CRYBG1: variants seen among roughly 807,000 people sequenced by gnomAD.
The protein encoded by CRYBG1 is beta/gamma crystallin domain-containing protein 1.
In CRYBG1, 139 loss-of-function variants were observed where a neutral mutation model predicts 189.2. That is an observed-to-expected ratio of 0.73 (90% CI 0.64 to 0.85). The LOEUF (loss-of-function observed/expected upper bound fraction) is 0.85, where lower values mean the gene tolerates loss of function less well. Ranked by LOEUF, CRYBG1 falls within the 40% of genes least tolerant of loss-of-function variation. The probability of loss-of-function intolerance (pLI) is 0.00; values close to 1 mark genes in which losing one functional copy is unlikely to be tolerated. For missense variants in CRYBG1, 2,611 were observed against 2,675.8 expected (o/e 0.98, Z 0.53); for synonymous variants, 1,023 against 1,017.1 (o/e 1.01, Z -0.11).
At chr6:106,473,250 C>T (rs1411723363) in intron 2 of CRYBG1, among the ~76,000 whole-genome samples, 1 of 152,250 alleles carries the variant, frequency 6.6e-6, no homozygotes, top group Non-Finnish European at 1.5e-5. Context: ...CACCCCACTC[C>T]ACTTGACTTT....
chr6:106,466,144 G>A (rs1479231596), intron 2 of CRYBG1, among the ~76,000 whole-genome samples: 1 of 152,140 alleles, frequency 6.6e-6, no homozygotes, highest in Non-Finnish European at 1.5e-5. Context: ...TTTAAAAAAG[G>A]ATATTTGAAA....
chr6:106,513,160 A>T (rs1773339693), intron 3 of CRYBG1, 121 bp downstream of exon 3: 4 of 1,242,760 alleles, frequency 3.2e-6, no homozygotes, highest in Non-Finnish European at 2.2e-6. Context: ...TTTCCCCTCC[A>T]TGCTGAACTT....
chr6:106,515,476 T>C (rs1390135474), intron 3 of CRYBG1, among the ~76,000 whole-genome samples: 2 of 152,222 alleles, frequency 1.3e-5, no homozygotes, highest in Non-Finnish European at 2.9e-5. Flanking sequence ...TCATAAGATA[T>C]ACTTCGATGT....
chr6:106,551,181 A>G (rs774587348), intron 13 of CRYBG1, among the ~76,000 whole-genome samples: 1 of 150,894 alleles, frequency 6.6e-6, no homozygotes, highest in Non-Finnish European at 1.5e-5. Context: ...TTTCTTCTTT[A>G]TGTCCATGCA....
chr6:106,490,538 G>A (rs1772697119), intron 2 of CRYBG1, among the ~76,000 whole-genome samples: 1 of 152,182 alleles, frequency 6.6e-6, no homozygotes, highest in South Asian at 2.1e-4. Flanking sequence ...TTATCCACAT[G>A]TACATCATCT....
At chr6:106,416,093 T>C (rs950031870) in intron 1 of CRYBG1, among the ~76,000 whole-genome samples, 1 of 152,180 alleles carries the variant, frequency 6.6e-6, no homozygotes, top group Non-Finnish European at 1.5e-5. Context: ...TTCCCTCTGC[T>C]GCCCCCTTTC....
intron 8 of CRYBG1, 113 bp from the exon 9 acceptor site, chr6:106,539,290 A>G: frequency 1.6e-6 from 2 of 1,253,702 alleles, no homozygotes; most frequent in African/African-American, 1.5e-5. Flanking sequence ...TTCATTATGT[A>G]GGTCCGTATC....
At chr6:106,376,203 G>A (rs908998035) in intron 1 of CRYBG1, among the ~76,000 whole-genome samples, 1 of 152,086 alleles carries the variant, frequency 6.6e-6, no homozygotes, top group Non-Finnish European at 1.5e-5. Context: ...ATTATAGAGG[G>A]AGTAATTTAG....
chr6:106,365,310 A>C (rs892091372), intron 1 of CRYBG1, among the ~76,000 whole-genome samples: 3 of 152,004 alleles, frequency 2.0e-5, no homozygotes, highest in African/African-American at 7.2e-5. Flanking sequence ...GCCTGTAATC[A>C]TAGCTACTTG....
intron 1 of CRYBG1, among the ~76,000 whole-genome samples, chr6:106,430,372 GA>G (rs1464165535): frequency 6.6e-6 from 1 of 152,108 alleles, no homozygotes; most frequent in African/African-American, 2.4e-5. Context: ...CTACACTCCA[GA>G]CTGGGCAACA....
At chr6:106,448,738 T>C in intron 1 of CRYBG1, among the ~76,000 whole-genome samples, 1 of 152,198 alleles carries the variant, frequency 6.6e-6, no homozygotes. Flanking sequence ...CTCTCCCTTC[T>C]CCTTTTTTCC....
rs562328065 is a variant in CRYBG1, at chr6:106,522,300, A to G, written c.4245+847A>G. On this transcript the variant is annotated intron_variant, in intron 4 of 21. Transcript: ENST00000633556. ...TAGCAATAGGTGTTTATCCTATGCA[A>G]TTGAGACAGTATTTTGTCTTTATTG... 9.2e-5 allele frequency among the ~76,000 whole-genome samples: 14 copies of G among 152,326 alleles called. No homozygotes were observed. The East Asian group carries it at 2.7e-3, about 29-fold the overall frequency.
At chr6:106,419,940 A>G (rs1771093236) in intron 1 of CRYBG1, among the ~76,000 whole-genome samples, 1 of 152,214 alleles carries the variant, frequency 6.6e-6, no homozygotes, top group Non-Finnish European at 1.5e-5. Context: ...CTATAAAGTC[A>G]CTGATCTAAT....
intron 2 of CRYBG1, among the ~76,000 whole-genome samples, chr6:106,505,722 ATT>A (rs34498308): frequency 6.8e-6 from 1 of 147,518 alleles, no homozygotes. Flanking sequence ...AACTCATGCT[ATT>A]TTTTTTTTTT....
chr6:106,418,413 G>C (rs1771064929), intron 1 of CRYBG1, among the ~76,000 whole-genome samples: 1 of 152,196 alleles, frequency 6.6e-6, no homozygotes, highest in East Asian at 1.9e-4. Flanking sequence ...TTTTTGGCTT[G>C]AAGGTGGGGT....
In CRYBG1 at chr6:106,520,759, A is replaced by G; in HGVS notation, c.3551A>G (p.Lys1184Arg). The change falls in exon 4 of 22, where the codon AAA becomes AGA. Residue 1184 changes from lysine (K) to arginine (R), a missense_variant. Lys to Arg is a conservative substitution (Grantham distance 26). This residue lies in a region of CRYBG1 where 1,622 missense variants were observed against 1,735.0 expected (regional missense o/e 0.93). Coordinates refer to ENST00000633556, the MANE Select transcript of CRYBG1 (RefSeq NM_001371242.2). ...CATTTGATGCAGAACCTTGACACAA[A>G]ATCCAAACTGAGACCCAAACGTGCA... is the stretch of plus-strand genomic sequence containing the variant. Reference protein sequence around the residue: ...ALHLMQNLDTKSKLRPKRASA... With the variant: ...ALHLMQNLDTRSKLRPKRASA... 6.2e-7 allele frequency: 1 copy of G among 1,614,136 alleles called. No individual in the cohort carries two copies. Among genetic ancestry groups the G allele is most frequent in the Non-Finnish European group, 8.5e-7 (1 of 1,180,034 alleles).
At chr6:106,397,490 T>G (rs563947484) in intron 1 of CRYBG1, among the ~76,000 whole-genome samples, 2 of 152,352 alleles carry the variant, frequency 1.3e-5, no homozygotes, top group Admixed American at 1.3e-4. Context: ...AGTAAGAGGT[T>G]AGGAGCTTTA....
chr6:106,477,103 A>C (rs1772347901), intron 2 of CRYBG1, among the ~76,000 whole-genome samples: 2 of 152,212 alleles, frequency 1.3e-5, no homozygotes, highest in African/African-American at 4.8e-5. Flanking sequence ...TAATTATGTG[A>C]ACCCAACATT....
At chr6:106,527,680 G>A (rs1213613147) in intron 7 of CRYBG1, among the ~76,000 whole-genome samples, 1 of 152,042 alleles carries the variant, frequency 6.6e-6, no homozygotes, top group Admixed American at 6.5e-5. Context: ...AACCCTTTAG[G>A]TAGATCTTTT....
Sources: gnomAD v4.1 joint callset for allele counts (sites outside exome capture counted in the v4.1 genomes callset) on GRCh38, gnomAD v4.1.1 for gene constraint, gnomAD v4.1.1 regional missense constraint, MANE v1.5 for transcripts, NCBI Gene and HGNC (gene_info 2026-07-23, HGNC 2026-07-21) for gene names.